The following SLX9 variants were observed in gnomAD, a reference collection of about 807,000 sequenced individuals.
SLX9 encodes SLX9 ribosome biogenesis factor, also known as ribosome biogenesis protein SLX9 homolog.
In SLX9, 19 loss-of-function variants were observed where a neutral mutation model predicts 20.8. The ratio of observed to expected loss-of-function variants is 0.91; its 90% CI spans 0.64 to 1.34. The LOEUF is 1.34. SLX9 is among the 40% of genes most tolerant of loss of function. SLX9 has a pLI of 0.00. For synonymous variants in SLX9, 113 were observed against 137.1 expected, an observed-to-expected ratio of 0.82 and a Z score of 1.23; for missense variants, 299 against 322.2, an observed-to-expected ratio of 0.93 and a Z score of 0.55.
intron 1 of SLX9, among the ~76,000 whole-genome samples, chr21:44,940,672 A>T (rs1291397580): frequency 1.4e-5 from 2 of 146,096 alleles, no homozygotes; most frequent in Non-Finnish European, 1.5e-5. Context: ...TGCTTTCAGG[A>T]TTTTTTTTTT....
intron 2 of SLX9, among the ~76,000 whole-genome samples, chr21:44,951,872 C>T (rs566151661): frequency 2.7e-5 from 4 of 148,784 alleles, no homozygotes; most frequent in African/African-American, 1.0e-4. Flanking sequence ...GTTCGCCCGT[C>T]GTGTGTGGGT....
In SLX9 at chr21:44,976,242, G is replaced by A. The variant is rs537306072; in HGVS notation, c.570-438G>A. On this transcript the variant is annotated intron_variant, in intron 5 of 5. Transcript: ENST00000291634. ...GCCGTGGCACCCATCTGGGGCTGCC[G>A]CGCCCCACTCTGCTGCAGGCCTCTG... is the stretch of plus-strand genomic sequence containing the variant. 1.6e-4 allele frequency among the ~76,000 whole-genome samples: 24 copies of A among 152,370 alleles called. No individual in the cohort carries two copies. In the South Asian group the frequency reaches 4.6e-3, roughly 29 times the overall value.
chr21:44,974,429 A>G (rs2085224246), intron 5 of SLX9, among the ~76,000 whole-genome samples: 1 of 152,210 alleles, frequency 6.6e-6, no homozygotes, highest in Non-Finnish European at 1.5e-5. Flanking sequence ...GGCACCAATT[A>G]TGCACTTACT....
At chr21:44,953,194 G>GC (rs910934399) in intron 2 of SLX9, among the ~76,000 whole-genome samples, 3 of 152,228 alleles carry the variant, frequency 2.0e-5, no homozygotes, top group Non-Finnish European at 4.4e-5. Flanking sequence ...GGCAGCGAGT[G>GC]CCCCCCGGCT....
intron 2 of SLX9, among the ~76,000 whole-genome samples, chr21:44,954,619 C>G (rs1228921335): frequency 6.6e-6 from 1 of 152,212 alleles, no homozygotes; most frequent in Non-Finnish European, 1.5e-5. Flanking sequence ...TCCGGCCCTG[C>G]AGCCTGGGCT....
chr21:44,953,789 C>T (rs563922966), intron 2 of SLX9, among the ~76,000 whole-genome samples: 31 of 152,312 alleles, frequency 2.0e-4, no homozygotes, highest in African/African-American at 6.7e-4. Context: ...GTGCCACCCC[C>T]CGGGGAGCTC....
chr21:44,947,503 G>A (rs1180968588), intron 2 of SLX9, among the ~76,000 whole-genome samples: 2 of 148,512 alleles, frequency 1.3e-5, no homozygotes, highest in African/African-American at 2.4e-5. Context: ...GAAGTGGTGG[G>A]GCTTGTTAGT....
chr21:44,967,392 C>T (rs1249993167), intron 4 of SLX9, among the ~76,000 whole-genome samples: 1 of 152,192 alleles, frequency 6.6e-6, no homozygotes, highest in African/African-American at 2.4e-5. Flanking sequence ...GTTTCGGGGG[C>T]ACCCAGGCCC....
intron 5 of SLX9, 106 bp from the exon 6 acceptor site, chr21:44,976,574 G>A: frequency 2.7e-6 from 4 of 1,479,334 alleles, no homozygotes. Flanking sequence ...TCCCGTGGTG[G>A]CCCCAGGCCT....
chr21:44,942,246 T>C (rs2084563398), intron 1 of SLX9, among the ~76,000 whole-genome samples: 1 of 152,224 alleles, frequency 6.6e-6, no homozygotes, highest in Non-Finnish European at 1.5e-5. Context: ...ACCTGGTCCC[T>C]GTTTGCCTGT....
chr21:44,962,746 G>A (rs1368659867), intron 3 of SLX9, among the ~76,000 whole-genome samples: 2 of 152,244 alleles, frequency 1.3e-5, no homozygotes, highest in African/African-American at 4.8e-5. Flanking sequence ...GCTGCCAGAC[G>A]CTTTTCTAGA....
chr21:44,941,724 C>T (rs1336440915), intron 1 of SLX9, among the ~76,000 whole-genome samples: 1 of 152,200 alleles, frequency 6.6e-6, no homozygotes, highest in Non-Finnish European at 1.5e-5. Context: ...AACATGCGCA[C>T]AGCCTCCAGA....
At chr21:44,968,257 A>C (rs1442491647) in intron 4 of SLX9, among the ~76,000 whole-genome samples, 2 of 149,546 alleles carry the variant, frequency 1.3e-5, no homozygotes, top group Non-Finnish European at 1.5e-5. Context: ...CGCAACCCCC[A>C]GTGACACAAC....
intron 5 of SLX9, among the ~76,000 whole-genome samples, chr21:44,973,668 A>G (rs1341905299): frequency 1.1e-5 from 1 of 94,646 alleles, no homozygotes; most frequent in Non-Finnish European, 2.2e-5. Flanking sequence ...CGCCCCGCCC[A>G]CCCTCTCCAG....
chr21:44,955,537 TCAGTGTCTTGCTCTGTCA>T (rs2084840756), intron 2 of SLX9, among the ~76,000 whole-genome samples: 1 of 152,078 alleles, frequency 6.6e-6, no homozygotes, highest in African/African-American at 2.4e-5. Flanking sequence ...TTTTTGTGAG[TCAGTGTCTTGCTCTGTCA>T]CCCAGGCTGG....
intron 1 of SLX9, among the ~76,000 whole-genome samples, chr21:44,941,878 C>T (rs1252578628): frequency 6.6e-6 from 1 of 152,164 alleles, no homozygotes; most frequent in Non-Finnish European, 1.5e-5. Context: ...CGTGAGAGCC[C>T]TCACACGAGC....
intron 5 of SLX9, 42 bp downstream of exon 5, chr21:44,973,307 G>A (rs2085193794): frequency 6.2e-7 from 1 of 1,605,364 alleles, no homozygotes; most frequent in African/African-American, 1.3e-5. Context: ...CAGCTCCTGA[G>A]TGCCCTCACC....
chr21:44,975,390 C>T (rs1322647055), intron 5 of SLX9, among the ~76,000 whole-genome samples: 1 of 152,192 alleles, frequency 6.6e-6, no homozygotes, highest in Non-Finnish European at 1.5e-5. Flanking sequence ...AGGATGGCAT[C>T]TGGAGGCCTG....
chr21:44,973,215 C>T lies in SLX9; in HGVS notation c.519C>T (p.Pro173=), dbSNP rs1177012056. 2 of 1,613,152 alleles carry T rather than the reference C, an allele frequency of 1.2e-6. No individual in the cohort carries two copies. Among genetic ancestry groups the T allele is most frequent in the African/African-American group, 1.3e-5 (1 of 75,016 alleles). The part of the protein sequence containing the change: ...RQARSRESNK[P]RPSELSRMSA... ...TCCACAGCAGGGAGAGCAACAAGCCCCGGCCCTCAGAGCTCAGCCGGATGA... is the reference window on the plus strand; with the variant it reads ...TCCACAGCAGGGAGAGCAACAAGCCTCGGCCCTCAGAGCTCAGCCGGATGA... Residue 173 remains proline (P), a synonymous_variant, in exon 5 of 6, where the codon CCC becomes CCT. Transcript: ENST00000291634.
Sources: allele counts gnomAD v4.1 joint callset (sites outside exome capture counted in the v4.1 genomes callset), GRCh38; gene constraint gnomAD v4.1.1; transcripts MANE v1.5; gene names NCBI Gene and HGNC (gene_info 2026-07-23, HGNC 2026-07-21).